The following GALNT9 variants were observed in gnomAD, a reference collection of about 807,000 sequenced individuals.
GALNT9 encodes the protein GalNAc transferase 9.
GALNT9 carries 47 observed loss-of-function variants against 63.1 expected under a neutral mutation model. The observed-to-expected ratio is 0.75, with a 90% CI of 0.59 to 0.95. The LOEUF is 0.95. Ranked by LOEUF, GALNT9 falls within the 40% of genes least tolerant of loss-of-function variation. GALNT9 has a pLI of 0.00. For synonymous variants in GALNT9, 396 were observed against 365.7 expected (o/e 1.08, Z -0.94); for missense variants, 829 against 874.8 (o/e 0.95, Z 0.66).
At chr12:132,294,584 C>T (rs953054637) in intron 1 of GALNT9, among the ~76,000 whole-genome samples, 5 of 54,308 alleles carry the variant, frequency 9.2e-5, no homozygotes, top group African/African-American at 4.7e-4. Flanking sequence ...AGGGTGCCAG[C>T]GGTCATGTAG....
At chr12:132,206,855 TA>T (rs1049491191) in intron 6 of GALNT9, among the ~76,000 whole-genome samples, 1 of 151,762 alleles carries the variant, frequency 6.6e-6, no homozygotes, top group African/African-American at 2.4e-5. Flanking sequence ...ATTTGTCCAT[TA>T]AAAAAACCAG....
rs1196345218 is a variant in GALNT9 at position 132,328,451 on chromosome 12, G to A, written c.238+515C>T. ...TCGGGCACCCCCAGGACAGGGGGCC[G>A]CCTAGCCCAGTGGTCGAAGCATTTG... On this transcript the variant is annotated intron_variant, in intron 1 of 10. Transcript: ENST00000328957. Among the ~76,000 whole-genome samples, 4 of 152,208 alleles carry A rather than the reference G, an allele frequency of 2.6e-5. No homozygotes were observed. The East Asian group carries it at 7.7e-4, about 29-fold the overall frequency.
At chr12:132,280,103 C>T (rs1451315008) in intron 2 of GALNT9, 1 of 152,376 alleles carries the variant, frequency 6.6e-6, no homozygotes, top group Non-Finnish European at 1.5e-5. Flanking sequence ...TGCAAGGATC[C>T]TGACAGTCAA....
intron 6 of GALNT9, among the ~76,000 whole-genome samples, chr12:132,216,778 T>G (rs912062498): frequency 6.6e-6 from 1 of 152,224 alleles, no homozygotes; most frequent in African/African-American, 2.4e-5. Flanking sequence ...ACCTCTTCAC[T>G]TGGCACCGTT....
intron 1 of GALNT9, among the ~76,000 whole-genome samples, chr12:132,290,703 A>G (rs1257749821): frequency 2.9e-5 from 3 of 102,760 alleles, no homozygotes; most frequent in East Asian, 3.0e-4. Context: ...CAACCACAGC[A>G]CCCACGTCCA....
rs117619114 is a variant in GALNT9 at position 132,327,068 on chromosome 12, C to T, written c.238+1898G>A. Among the ~76,000 whole-genome samples the T allele has an allele frequency of 4.2e-3, 635 of 152,002 alleles. 24 individuals carry two copies. The East Asian group carries it at 0.079, about 19-fold the overall frequency. ...AGCACAGCCTCATCACAGAGGGGGACGAAACTCGGCCTCATCAAAAGGTTG... is the reference window on the plus strand; with the variant it reads ...AGCACAGCCTCATCACAGAGGGGGATGAAACTCGGCCTCATCAAAAGGTTG... On this transcript the variant is annotated intron_variant, in intron 1 of 10. Coordinates refer to ENST00000328957, the MANE Select transcript of GALNT9 (RefSeq NM_001122636.2). This position sits in a 1 kb window ranked among gnomAD's most constrained non-coding sequence, Gnocchi z 4.3.
At chr12:132,324,944 T>A (rs1342656131) in intron 1 of GALNT9, among the ~76,000 whole-genome samples, 1 of 152,236 alleles carries the variant, frequency 6.6e-6, no homozygotes, top group African/African-American at 2.4e-5. Flanking sequence ...TCCCCTCAGC[T>A]GCTGCTCTGA....
chr12:132,286,528 C>T lies in GALNT9; in HGVS notation c.239-98G>A. 4 of 1,443,858 alleles carry T rather than the reference C, an allele frequency of 2.8e-6. No individual in the cohort carries two copies. The highest frequency in any genetic ancestry group is 3.6e-6 in the Non-Finnish European group (4 of 1,099,378). The allele number at this position is 1,443,858 out of a possible 1,614,324, so 89.4% of individuals were successfully genotyped here. A position where few individuals can be genotyped will look rare whatever the true frequency, so the allele number is the denominator to read the frequency against. ...CCGCCCCTCTCCCCGACGGCCGCTT[C>T]CCCCGGTACAAGCCCAGCAAACTCC... is the stretch of plus-strand genomic sequence containing the variant. On this transcript the variant is annotated intron_variant, in intron 1 of 10. Transcript: ENST00000328957. This position sits in a 1 kb window ranked among gnomAD's most constrained non-coding sequence, Gnocchi z 7.4.
At chr12:132,204,939 A>AT (rs1169731554) in intron 6 of GALNT9, among the ~76,000 whole-genome samples, 1 of 151,776 alleles carries the variant, frequency 6.6e-6, no homozygotes, top group East Asian at 2.0e-4. Context: ...CATCTCCTGA[A>AT]TCCCCCCACC....
chr12:132,219,947 T>G (rs1431628261), intron 6 of GALNT9, among the ~76,000 whole-genome samples: 4 of 151,940 alleles, frequency 2.6e-5, no homozygotes, highest in Non-Finnish European at 5.9e-5. Context: ...CCCGCCTGGG[T>G]AAGGGGAAGG....
chr12:132,227,972 T>A (rs1271441603), intron 6 of GALNT9, among the ~76,000 whole-genome samples: 1 of 152,146 alleles, frequency 6.6e-6, no homozygotes, highest in Non-Finnish European at 1.5e-5. Context: ...GTTGACCTGC[T>A]GAGGTTGAGC....
chr12:132,267,745 G>GCA (rs530490538), intron 2 of GALNT9, among the ~76,000 whole-genome samples: 1 of 132,462 alleles, frequency 7.5e-6, no homozygotes, highest in African/African-American at 4.1e-5. Flanking sequence ...AAATACACAA[G>GCA]CACACACACT....
chr12:132,313,085 C>G (rs1183639011), intron 1 of GALNT9, among the ~76,000 whole-genome samples: 3 of 151,678 alleles, frequency 2.0e-5, no homozygotes, highest in African/African-American at 7.3e-5. Context: ...ACTCACCCAC[C>G]CATCCACCCA....
rs1868498572 is a variant in GALNT9 at position 132,316,127 on chromosome 12, G to A, written c.238+12839C>T. 1.3e-5 allele frequency among the ~76,000 whole-genome samples: 2 copies of A among 152,194 alleles called. No individual in the cohort carries two copies. The highest frequency in any genetic ancestry group is 1.3e-4 in the Admixed American group (2 of 15,286). ...CTCTCACTGAAAGAAGAGGCAGGCA[G>A]AGGCAGGAGCTGGCCGCGGGCTGGG... On this transcript the variant is annotated intron_variant, in intron 1 of 10. Coordinates refer to ENST00000328957, the MANE Select transcript of GALNT9 (RefSeq NM_001122636.2). The surrounding 1 kb of genome is among the most constrained non-coding windows in gnomAD (Gnocchi z 4.3).
intron 5 of GALNT9, among the ~76,000 whole-genome samples, chr12:132,254,256 G>T (rs1222607424): frequency 1.3e-5 from 2 of 152,098 alleles, no homozygotes; most frequent in African/African-American, 4.8e-5. Flanking sequence ...TGATCCACCC[G>T]CCTCGGCCTC....
chr12:132,240,222 C>A (rs572506623), intron 6 of GALNT9, among the ~76,000 whole-genome samples: 1 of 152,100 alleles, frequency 6.6e-6, no homozygotes, highest in Non-Finnish European at 1.5e-5. Flanking sequence ...GTGGGGTGGT[C>A]GCCCTACAGG....
At chr12:132,210,496 G>A (rs1029369575) in intron 6 of GALNT9, among the ~76,000 whole-genome samples, 2 of 152,200 alleles carry the variant, frequency 1.3e-5, no homozygotes, top group Admixed American at 6.5e-5. Flanking sequence ...GCAGCTGGAG[G>A]ACTGAGTGGG....
rs1881057311 is a variant in GALNT9, at chr12:132,296,017, C to CAAACA, written c.239-9588_239-9587insTGTTT. On this transcript the variant is annotated intron_variant, in intron 1 of 10. Transcript: ENST00000328957. The surrounding 1 kb of genome is among the most constrained non-coding windows in gnomAD (Gnocchi z 4.2). ...CGGCCTCCGGAACAGGGAGAGCCTCCGGAACAGGGAGAGCCTCCAGAACAG... is the reference window on the plus strand; with the variant it reads ...CGGCCTCCGGAACAGGGAGAGCCTCCAAACAGGAACAGGGAGAGCCTCCAGAACAG... 7.0e-6 allele frequency among the ~76,000 whole-genome samples: 1 copy of CAAACA among 143,034 alleles called. No individual in the cohort carries two copies. The highest frequency in any genetic ancestry group is 2.9e-5 in the African/African-American group (1 of 34,606). 93.8% of individuals were successfully genotyped at this position (143,034 alleles called of 152,430 possible).
chr12:132,283,648 CA>C (rs1267952200), intron 2 of GALNT9: 16 of 152,298 alleles, frequency 1.1e-4, no homozygotes, highest in African/African-American at 3.6e-4. Context: ...TCCACGAGAC[CA>C]GCCCAGTGAG....
Sources: allele counts gnomAD v4.1 joint callset (sites outside exome capture counted in the v4.1 genomes callset), GRCh38; gene constraint gnomAD v4.1.1; non-coding constraint Gnocchi (gnomAD v3.1); transcripts MANE v1.5; gene names NCBI Gene and HGNC (gene_info 2026-07-23, HGNC 2026-07-21).